The following MYO9B variants were observed in gnomAD, a reference collection of about 807,000 sequenced individuals.
MYO9B encodes the protein unconventional myosin-IXb.
A neutral mutation model predicts 229.5 loss-of-function variants in MYO9B; 71 were observed. That is an observed-to-expected ratio of 0.31 (90% CI 0.26 to 0.38). The LOEUF (loss-of-function observed/expected upper bound fraction) is 0.38, where lower values mean the gene tolerates loss of function less well. Among genes scored for constraint, MYO9B ranks in the 10% least tolerant of loss-of-function variants. The probability of loss-of-function intolerance (pLI) is 1.00; values close to 1 mark genes in which losing one functional copy is unlikely to be tolerated. For missense variants in MYO9B, 2,255 were observed against 2,920.5 expected (o/e 0.77, Z 5.25); for synonymous variants, 1,185 against 1,235.8 (o/e 0.96, Z 0.86).
At chr19:17,100,318 C>T (rs769416528) in intron 1 of MYO9B, among the ~76,000 whole-genome samples, 1 of 149,278 alleles carries the variant, frequency 6.7e-6, no homozygotes, top group South Asian at 2.1e-4. Flanking sequence ...TAAAAAAATA[C>T]AAAAATTAGC....
chr19:17,133,859 C>T (rs1412053796), intron 2 of MYO9B, among the ~76,000 whole-genome samples: 1 of 152,160 alleles, frequency 6.6e-6, no homozygotes, highest in African/African-American at 2.4e-5. Flanking sequence ...CTCCCAGGTT[C>T]ACACCATTCT....
intron 22 of MYO9B, among the ~76,000 whole-genome samples, chr19:17,196,265 C>T (rs2073042137): frequency 6.6e-6 from 1 of 150,926 alleles, no homozygotes. Context: ...GAATGGAAGA[C>T]AGATATAGAT....
intron 2 of MYO9B, among the ~76,000 whole-genome samples, chr19:17,106,936 G>A (rs1004052409): frequency 6.6e-6 from 1 of 152,172 alleles, no homozygotes; most frequent in African/African-American, 2.4e-5. Flanking sequence ...GGTGGCGAGC[G>A]CCTATAATCC....
intron 1 of MYO9B, among the ~76,000 whole-genome samples, chr19:17,081,245 C>A (rs922860893): frequency 6.6e-6 from 1 of 152,094 alleles, no homozygotes; most frequent in Admixed American, 6.5e-5. Context: ...CCAGGCTGGT[C>A]TTAAACTCCT....
chr19:17,091,621 G>A (rs1222559739), intron 1 of MYO9B, among the ~76,000 whole-genome samples: 1 of 152,164 alleles, frequency 6.6e-6, no homozygotes, highest in Admixed American at 6.5e-5. Flanking sequence ...GTGGGTGAAA[G>A]GACAGGCCCA....
In MYO9B at chr19:17,198,328, G is replaced by C. The variant is rs776762733; in HGVS notation, c.4238+20G>C. ...CTCTAAGTAAGTATTGGGCTTGGGG[G>C]AAACTCAGGCCACCAGAGGATGCCC... On this transcript the variant is annotated intron_variant, in intron 24 of 39. Coordinates refer to ENST00000682292, the MANE Select transcript of MYO9B (RefSeq NM_004145.4). The C allele has an allele frequency of 4.3e-6, 7 of 1,612,362 alleles. No homozygotes were observed. In the East Asian group the frequency reaches 1.6e-4, roughly 36 times the overall value.
chr19:17,208,997 G>T (rs1312001169), intron 35 of MYO9B, among the ~76,000 whole-genome samples: 2 of 151,768 alleles, frequency 1.3e-5, no homozygotes, highest in Non-Finnish European at 2.9e-5. Context: ...AGTCCCTCTG[G>T]TACTGACCAC....
intron 2 of MYO9B, among the ~76,000 whole-genome samples, chr19:17,115,688 C>T (rs2057895745): frequency 6.6e-6 from 1 of 151,900 alleles, no homozygotes; most frequent in Non-Finnish European, 1.5e-5. Context: ...TGGCTGGTCT[C>T]AAACTCCTGA....
At chr19:17,200,485 TCA>T in intron 25 of MYO9B, 59 bp downstream of exon 25, 1 of 1,530,558 alleles carries the variant, frequency 6.5e-7, no homozygotes. Context: ...CTGGGGACAT[TCA>T]CTGTCCCCAA....
chr19:17,202,171 C>T lies in MYO9B; in HGVS notation c.4704C>T (p.Asn1568=). The T allele has an allele frequency of 6.2e-7, 1 of 1,613,888 alleles. No homozygotes were observed. Among genetic ancestry groups the T allele is most frequent in the African/African-American group, 1.3e-5 (1 of 75,052 alleles). Residue 1568 remains asparagine (N), a synonymous_variant, in exon 28 of 40, where the codon AAC becomes AAT. Coordinates refer to ENST00000682292, the MANE Select transcript of MYO9B (RefSeq NM_004145.4). ...TGGGCTACAAGGATCTGATGGAGAA[C>T]TACCAGATCGTCGTCAGCAACCTGG... The part of the protein sequence containing the change: ...IHVGYKDLME[N]YQIVVSNLAT...
chr19:17,097,198 G>A (rs908117600), intron 1 of MYO9B, among the ~76,000 whole-genome samples: 2 of 151,756 alleles, frequency 1.3e-5, no homozygotes, highest in African/African-American at 4.8e-5. Context: ...GTGGGCCCCT[G>A]TAATCCCAGC....
chr19:17,123,038 G>T (rs76955266), intron 2 of MYO9B, among the ~76,000 whole-genome samples: 4,310 of 152,276 alleles, frequency 0.028, 101 homozygotes, highest in Middle Eastern at 0.068. Context: ...AGTGAGCTAC[G>T]ATCACACCAC....
At chr19:17,192,602 TAATAAATAAATA>T (rs36099788) in intron 20 of MYO9B, 132 bp from the exon 21 acceptor site, 10 of 502,642 alleles carry the variant, frequency 2.0e-5, no homozygotes, top group Non-Finnish European at 3.2e-5. Flanking sequence ...CTCAAAAAAA[TAATAAATAAATA>T]AATAAATAAA....
intron 13 of MYO9B, among the ~76,000 whole-genome samples, chr19:17,174,983 A>G (rs527416788): frequency 1.3e-5 from 2 of 151,912 alleles, no homozygotes; most frequent in Admixed American, 1.3e-4. Flanking sequence ...TAATTAAAAG[A>G]TGGGTCAAAG....
intron 2 of MYO9B, among the ~76,000 whole-genome samples, chr19:17,135,357 G>A (rs941648489): frequency 6.6e-6 from 1 of 152,080 alleles, no homozygotes; most frequent in African/African-American, 2.4e-5. Flanking sequence ...GGGGACCATG[G>A]CATCCGCCTT....
At chr19:17,085,690 C>A (rs150867088) in intron 1 of MYO9B, among the ~76,000 whole-genome samples, 1 of 151,268 alleles carries the variant, frequency 6.6e-6, no homozygotes, top group Admixed American at 6.6e-5. Flanking sequence ...AAAAATTTAC[C>A]GAATGTGGAC....
At chr19:17,173,935 G>A (rs1018542389) in intron 13 of MYO9B, among the ~76,000 whole-genome samples, 1 of 151,168 alleles carries the variant, frequency 6.6e-6, no homozygotes, top group Non-Finnish European at 1.5e-5. Flanking sequence ...AAGCTTTCCT[G>A]AGAAATAGGA....
Position 17,200,849 on chromosome 19 carries a change from G to GC in MYO9B, c.4563+22dup, listed in dbSNP as rs766151031. On this transcript the variant is annotated intron_variant, in intron 26 of 39. Coordinates refer to ENST00000682292, the MANE Select transcript of MYO9B (RefSeq NM_004145.4). ...AACAAGGTGGGATCACTAGGCGAGG[G>GC]CCAGGGGCATGAGGCCCGGTCCCCA... The GC allele has an allele frequency of 7.3e-5, 118 of 1,609,550 alleles. No homozygotes were observed. The East Asian group carries it at 2.1e-3, about 29-fold the overall frequency.
chr19:17,132,685 G>A (rs1470534836), intron 2 of MYO9B, among the ~76,000 whole-genome samples: 3 of 142,352 alleles, frequency 2.1e-5, no homozygotes, highest in Non-Finnish European at 4.6e-5. Flanking sequence ...CCACCACCAC[G>A]CCCAGCTAAT....
Sources: gnomAD v4.1 joint callset for allele counts (sites outside exome capture counted in the v4.1 genomes callset) on GRCh38, gnomAD v4.1.1 for gene constraint, MANE v1.5 for transcripts, NCBI Gene and HGNC (gene_info 2026-07-23, HGNC 2026-07-21) for gene names.